Variants in ABHD6 observed in about 807,000 individuals in gnomAD.
ABHD6 encodes abhydrolase domain containing 6, acylglycerol lipase.
ABHD6 carries 33 observed loss-of-function variants against 38.8 expected under a neutral mutation model. The ratio of observed to expected loss-of-function variants is 0.85; its 90% confidence interval spans 0.64 to 1.14. The LOEUF is 1.14. Among genes scored for constraint, ABHD6 ranks in the 50% most tolerant of loss-of-function variants. The probability of loss-of-function intolerance (pLI) is 0.00; values close to 1 mark genes in which losing one functional copy is unlikely to be tolerated. For synonymous variants in ABHD6, 147 were observed against 161.6 expected (o/e 0.91, Z 0.69); for missense variants, 380 against 422.6 (o/e 0.90, Z 0.88).
At chr3:58,271,151 A>T in intron 6 of ABHD6, 87 bp downstream of exon 6, 1 of 1,427,544 alleles carries the variant, frequency 7.0e-7, no homozygotes, top group South Asian at 1.5e-5. Context: ...GTTTTTTGGA[A>T]TCATCTTTTT....
intron 2 of ABHD6, among the ~76,000 whole-genome samples, chr3:58,250,744 G>A (rs2097429355): frequency 1.3e-5 from 2 of 152,294 alleles, no homozygotes; most frequent in African/African-American, 2.4e-5. Flanking sequence ...AGTCCCCTAA[G>A]GCTGTGCTGT....
chr3:58,252,579 G>A (rs2097430763), intron 2 of ABHD6, among the ~76,000 whole-genome samples: 1 of 152,264 alleles, frequency 6.6e-6, no homozygotes, highest in South Asian at 2.1e-4. Context: ...GAACTGAAAA[G>A]AGATGACTTT....
rs1443577248 is a variant in ABHD6, at chr3:58,290,447, G to A, written c.838-3142G>A. Among the ~76,000 whole-genome samples the A allele has an allele frequency of 7.9e-5, 9 of 114,640 alleles. 1 individual carries two copies. The highest frequency in any genetic ancestry group is 2.9e-4 in the African/African-American group (8 of 27,936). The allele number at this position is 114,640 out of a possible 152,430, so 75.2% of individuals were successfully genotyped here. A position where few individuals can be genotyped will look rare whatever the true frequency, so the allele number is the denominator to read the frequency against. On this transcript the variant is annotated intron_variant, in intron 9 of 9. Transcript: ENST00000478253. The stretch of plus-strand genomic sequence containing the variant: ...CAGAGGCGCCCCTCACCTACCGGAT[G>A]GGGCGGCTGGCCGGGCGGGGGGCTG...
At chr3:58,275,802 C>A (rs73079767) in intron 7 of ABHD6, among the ~76,000 whole-genome samples, 1 of 151,736 alleles carries the variant, frequency 6.6e-6, no homozygotes, top group Non-Finnish European at 1.5e-5. Context: ...CAGCCCCCTA[C>A]CCCCTGCCTG....
rs1553718607 is a variant in ABHD6 at position 58,256,096 on chromosome 3, C to CACACACACACACACACAG, written c.-25-453_-25-452insCACAGACACACACACACA. Among the ~76,000 whole-genome samples, 13 of 147,546 alleles carry CACACACACACACACACAG rather than the reference C, an allele frequency of 8.8e-5. No individual in the cohort carries two copies. Among genetic ancestry groups the CACACACACACACACACAG allele is most frequent in the South Asian group, 4.7e-4 (2 of 4,284 alleles). The stretch of plus-strand genomic sequence containing the variant: ...CCACCAACACACACACACACACACA[C>CACACACACACACACACAG]ACACACACACACATACACACACTAC... On this transcript the variant is annotated intron_variant, in intron 2 of 9. Coordinates refer to ENST00000478253, the MANE Select transcript of ABHD6 (RefSeq NM_001320126.2). The surrounding 1 kb of genome is among the most constrained non-coding windows in gnomAD (Gnocchi z 4.3).
At chr3:58,276,958 G>T (rs1469584432) in intron 7 of ABHD6, among the ~76,000 whole-genome samples, 1 of 152,100 alleles carries the variant, frequency 6.6e-6, no homozygotes, top group Admixed American at 6.5e-5. Context: ...CCTCTGTTCT[G>T]TTCCATTTGT....
intron 7 of ABHD6, among the ~76,000 whole-genome samples, chr3:58,276,827 A>G: frequency 6.6e-6 from 1 of 152,188 alleles, no homozygotes; most frequent in East Asian, 1.9e-4. Flanking sequence ...TCAGCTTTCT[A>G]CATATGGCTA....
At chr3:58,264,795 A>G (rs1473996355) in intron 3 of ABHD6, among the ~76,000 whole-genome samples, 3 of 152,148 alleles carry the variant, frequency 2.0e-5, no homozygotes, top group African/African-American at 2.4e-5. Flanking sequence ...CATAGTAGGT[A>G]TATATGGGGT....
intron 7 of ABHD6, among the ~76,000 whole-genome samples, chr3:58,278,916 T>A (rs549318777): frequency 6.3e-4 from 96 of 152,326 alleles, no homozygotes; most frequent in African/African-American, 2.2e-3. Context: ...CAATTTTGAG[T>A]GAGTTTCTTA....
Position 58,290,421 on chromosome 3 carries a change from G to A in ABHD6, c.838-3168G>A, listed in dbSNP as rs569097627. 1.2e-3 allele frequency among the ~76,000 whole-genome samples: 141 copies of A among 118,524 alleles called. 2 individuals carry two copies. Among genetic ancestry groups the A allele is most frequent in the African/African-American group, 4.8e-3 (139 of 28,808 alleles). The allele number at this position is 118,524 out of a possible 152,430, so 77.8% of individuals were successfully genotyped here. A position where few individuals can be genotyped will look rare whatever the true frequency, so the allele number is the denominator to read the frequency against. ...CTCACTTCCCAGTAGGGGCGGCTGG[G>A]CAGAGGCGCCCCTCACCTACCGGAT... On this transcript the variant is annotated intron_variant, in intron 9 of 9. Transcript: ENST00000478253.
At chr3:58,244,388 T>C (rs962646251) in intron 1 of ABHD6, among the ~76,000 whole-genome samples, 2 of 152,212 alleles carry the variant, frequency 1.3e-5, no homozygotes, top group African/African-American at 2.4e-5. Context: ...ATGGCTTCTT[T>C]ATGATAGCAC....
At chr3:58,291,240 TG>T (rs2097462563) in intron 9 of ABHD6, among the ~76,000 whole-genome samples, 1 of 150,260 alleles carries the variant, frequency 6.7e-6, no homozygotes, top group African/African-American at 2.4e-5. Flanking sequence ...CAGTCAGGCG[TG>T]GCAGTGTGCA....
At position 58,267,960 on chromosome 3, in the gene ABHD6, C is replaced by G. The variant is rs1692495102; in HGVS notation, c.276+615C>G. Among the ~76,000 whole-genome samples the G allele has an allele frequency of 6.6e-6, 1 of 152,170 alleles. No homozygotes were observed. The highest frequency in any genetic ancestry group is 6.5e-5 in the Admixed American group (1 of 15,270). On this transcript the variant is annotated intron_variant, in intron 4 of 9. Coordinates refer to ENST00000478253, the MANE Select transcript of ABHD6 (RefSeq NM_001320126.2). The surrounding 1 kb of genome is among the most constrained non-coding windows in gnomAD (Gnocchi z 4.3). ...TGGTGGCATGCACCTGTAGTCCCAGCTACTTTGGAGGCTGAGATGGGAGAA... is the reference window on the plus strand; with the variant it reads ...TGGTGGCATGCACCTGTAGTCCCAGGTACTTTGGAGGCTGAGATGGGAGAA...
intron 4 of ABHD6, among the ~76,000 whole-genome samples, chr3:58,268,487 T>C (rs1487147461): frequency 2.0e-5 from 3 of 152,100 alleles, no homozygotes; most frequent in African/African-American, 7.2e-5. Context: ...TTGGTAAGAG[T>C]GATCAGGTGT....
chr3:58,279,025 G>A (rs1481640034), intron 7 of ABHD6, among the ~76,000 whole-genome samples: 6 of 152,166 alleles, frequency 3.9e-5, no homozygotes, highest in Non-Finnish European at 5.9e-5. Context: ...TTCCAATTAT[G>A]TGGTCAATTT....
chr3:58,241,046 G>A (rs918537359), intron 1 of ABHD6, among the ~76,000 whole-genome samples: 1 of 152,084 alleles, frequency 6.6e-6, no homozygotes, highest in South Asian at 2.1e-4. Flanking sequence ...GGATAATTTT[G>A]AAATTTTGTT....
At position 58,259,124 on chromosome 3, in the gene ABHD6, TG is replaced by T. The variant is rs944481981; in HGVS notation, c.119+2420del. Among the ~76,000 whole-genome samples the T allele has an allele frequency of 6.6e-6, 1 of 152,188 alleles. No individual in the cohort carries two copies. Among genetic ancestry groups the T allele is most frequent in the African/African-American group, 2.4e-5 (1 of 41,448 alleles). ...TGAAGGAGAGAACACAATTCACTGA[TG>T]TGGCTCGTAACCATGGATATGGTCA... On this transcript the variant is annotated intron_variant, in intron 3 of 9. Coordinates refer to ENST00000478253, the MANE Select transcript of ABHD6 (RefSeq NM_001320126.2). This position sits in a 1 kb window ranked among gnomAD's most constrained non-coding sequence, Gnocchi z 4.7.
At chr3:58,286,860 A>ATATATG (rs2097457671) in intron 9 of ABHD6, among the ~76,000 whole-genome samples, 2 of 121,378 alleles carry the variant, frequency 1.6e-5, no homozygotes, top group Admixed American at 1.7e-4. Context: ...GTGTATATAT[A>ATATATG]TATATATATG....
chr3:58,243,033 C>T (rs578246279), intron 1 of ABHD6, among the ~76,000 whole-genome samples: 125 of 152,278 alleles, frequency 8.2e-4, no homozygotes, highest in South Asian at 2.9e-3. Context: ...CATCCATGTC[C>T]CTACAAAGGA....
Sources: gnomAD v4.1 joint callset for allele counts (sites outside exome capture counted in the v4.1 genomes callset) on GRCh38, gnomAD v4.1.1 for gene constraint, Gnocchi (gnomAD v3.1) non-coding constraint, MANE v1.5 for transcripts, NCBI Gene and HGNC (gene_info 2026-07-23, HGNC 2026-07-21) for gene names.